LRRC4C: variants seen among roughly 807,000 people sequenced by gnomAD.
LRRC4C encodes the protein leucine rich repeat containing 4C.
LRRC4C carries 5 observed loss-of-function variants against 33.6 expected under a neutral mutation model. The observed-to-expected ratio is 0.15, with a 90% CI of 0.08 to 0.31. LRRC4C has a LOEUF of 0.31. Among genes scored for constraint, LRRC4C ranks in the 10% least tolerant of loss-of-function variants. LRRC4C has a pLI of 1.00. For synonymous variants in LRRC4C, 329 were observed against 302.0 expected, an observed-to-expected ratio of 1.09 and a Z score of -0.93; for missense variants, 560 against 796.7, an observed-to-expected ratio of 0.70 and a Z score of 3.58.
intron 5 of LRRC4C, among the ~76,000 whole-genome samples, chr11:40,156,751 G>GA (rs1167474487): frequency 1.3e-5 from 2 of 151,848 alleles, no homozygotes; most frequent in African/African-American, 2.4e-5. Context: ...AAACACTGCT[G>GA]AAAAAAATCA....
At position 41,297,351 on chromosome 11, in the gene LRRC4C, C is replaced by T. The variant is rs370437495; in HGVS notation, c.-496+162080G>A. ...AGAAATTGGTCTATGGTTTTGTTCC[C>T]TTGTGATTCTTTGTCTGGTTTAGGT... On this transcript the variant is annotated intron_variant, in intron 1 of 6. Transcript: ENST00000528697. Among the ~76,000 whole-genome samples the T allele has an allele frequency of 2.2e-4, 34 of 152,148 alleles. No individual in the cohort carries two copies. The East Asian group carries it at 3.9e-3, about 17-fold the overall frequency.
intron 3 of LRRC4C, among the ~76,000 whole-genome samples, chr11:40,494,058 T>C (rs942783640): frequency 2.0e-5 from 3 of 152,086 alleles, no homozygotes; most frequent in African/African-American, 7.2e-5. Flanking sequence ...CTTAGCTATA[T>C]TTATCTAATG....
chr11:41,452,660 T>G (rs1027061220), intron 1 of LRRC4C, among the ~76,000 whole-genome samples: 11 of 152,114 alleles, frequency 7.2e-5, no homozygotes, highest in African/African-American at 2.7e-4. Flanking sequence ...TTCTCTTTCT[T>G]TCTCTGGTCT....
At chr11:41,118,223 T>C (rs1439770928) in intron 1 of LRRC4C, among the ~76,000 whole-genome samples, 2 of 152,202 alleles carry the variant, frequency 1.3e-5, no homozygotes, top group South Asian at 2.1e-4. Context: ...GCTGTTTTTC[T>C]AGCTGATTAT....
intron 1 of LRRC4C, among the ~76,000 whole-genome samples, chr11:41,028,987 C>T (rs1026451973): frequency 2.0e-5 from 3 of 151,618 alleles, no homozygotes; most frequent in Non-Finnish European, 3.0e-5. Context: ...TATACATTCA[C>T]GTATATATGT....
At chr11:41,410,541 C>T (rs1954431939) in intron 1 of LRRC4C, among the ~76,000 whole-genome samples, 1 of 151,684 alleles carries the variant, frequency 6.6e-6, no homozygotes. Context: ...TCTGGGTTCA[C>T]GCCATTCTCC....
At chr11:40,343,941 C>A (rs1437460487) in intron 3 of LRRC4C, among the ~76,000 whole-genome samples, 1 of 151,904 alleles carries the variant, frequency 6.6e-6, no homozygotes, top group African/African-American at 2.4e-5. Context: ...CATTTGAAGA[C>A]TGAACTTGGA....
chr11:41,128,884 A>G (rs1942879755), intron 1 of LRRC4C, among the ~76,000 whole-genome samples: 1 of 152,012 alleles, frequency 6.6e-6, no homozygotes, highest in Non-Finnish European at 1.5e-5. Flanking sequence ...ACTATTATTT[A>G]GTGAGTATAT....
At chr11:40,695,291 TTTCAC>T (rs1945438418) in intron 2 of LRRC4C, among the ~76,000 whole-genome samples, 1 of 152,184 alleles carries the variant, frequency 6.6e-6, no homozygotes, top group Non-Finnish European at 1.5e-5. Context: ...GATCACTTAC[TTTCAC>T]TTTTTTACCC....
At chr11:41,151,833 G>C (rs1442204451) in intron 1 of LRRC4C, among the ~76,000 whole-genome samples, 1 of 152,174 alleles carries the variant, frequency 6.6e-6, no homozygotes, top group African/African-American at 2.4e-5. Flanking sequence ...TATTCTAATA[G>C]CTAAAATTAA....
chr11:40,459,036 G>A (rs1023151799), intron 3 of LRRC4C, among the ~76,000 whole-genome samples: 2 of 152,096 alleles, frequency 1.3e-5, no homozygotes, highest in Non-Finnish European at 2.9e-5. Flanking sequence ...ACACATACAT[G>A]CATACACATG....
intron 2 of LRRC4C, among the ~76,000 whole-genome samples, chr11:40,651,605 A>G (rs1325569888): frequency 2.0e-5 from 3 of 152,212 alleles, no homozygotes; most frequent in African/African-American, 7.2e-5. Flanking sequence ...TTTATTCACT[A>G]GGGAAAAATT....
At chr11:41,282,619 T>C (rs1949709752) in intron 1 of LRRC4C, among the ~76,000 whole-genome samples, 2 of 151,960 alleles carry the variant, frequency 1.3e-5, no homozygotes, top group South Asian at 4.2e-4. Flanking sequence ...CTGCCCGGGG[T>C]GTGGATCGGT....
chr11:41,141,602 A>T lies in LRRC4C; in HGVS notation c.-495-207879T>A, dbSNP rs551832944. ...TTGAATCGTGGGAGCGGTTTCTTCCATGCTCTTCTTATGATAGTAAGTGAG... is the reference window on the plus strand; with the variant it reads ...TTGAATCGTGGGAGCGGTTTCTTCCTTGCTCTTCTTATGATAGTAAGTGAG... On this transcript the variant is annotated intron_variant, in intron 1 of 6. Transcript: ENST00000528697. Among the ~76,000 whole-genome samples the T allele has an allele frequency of 1.8e-4, 28 of 152,124 alleles. No individual in the cohort carries two copies. The East Asian group carries it at 4.6e-3, about 25-fold the overall frequency.
At chr11:40,277,426 G>C (rs1196504252) in intron 4 of LRRC4C, among the ~76,000 whole-genome samples, 1 of 152,076 alleles carries the variant, frequency 6.6e-6, no homozygotes, top group East Asian at 1.9e-4. Context: ...TACTATAACA[G>C]GTTGTCGAAC....
chr11:41,181,117 T>G (rs552073819), intron 1 of LRRC4C, among the ~76,000 whole-genome samples: 1 of 152,166 alleles, frequency 6.6e-6, no homozygotes, highest in Non-Finnish European at 1.5e-5. Context: ...GAAATAGCAT[T>G]CCCTTTGCAT....
intron 2 of LRRC4C, among the ~76,000 whole-genome samples, chr11:40,814,116 A>G (rs941694918): frequency 5.3e-5 from 8 of 152,216 alleles, no homozygotes; most frequent in Admixed American, 5.2e-4. Context: ...GGGGGCTCCA[A>G]CCCCACATTT....
intron 2 of LRRC4C, among the ~76,000 whole-genome samples, chr11:40,801,778 G>C (rs970582947): frequency 6.6e-6 from 1 of 152,048 alleles, no homozygotes; most frequent in African/African-American, 2.4e-5. Context: ...AAAAGTAATA[G>C]AGTAAGTGAA....
At chr11:40,732,420 G>C (rs1947634497) in intron 2 of LRRC4C, among the ~76,000 whole-genome samples, 1 of 152,072 alleles carries the variant, frequency 6.6e-6, no homozygotes, top group East Asian at 1.9e-4. Context: ...TTCATTTTCT[G>C]GTATTTGCTT....
Sources: allele counts gnomAD v4.1 joint callset (sites outside exome capture counted in the v4.1 genomes callset), GRCh38; gene constraint gnomAD v4.1.1; transcripts MANE v1.5; gene names NCBI Gene and HGNC (gene_info 2026-07-23, HGNC 2026-07-21).